The following INTS4 variants were observed in gnomAD, a reference collection of about 807,000 sequenced individuals.
INTS4 encodes MSTP093.
INTS4 carries 70 observed loss-of-function variants against 119.5 expected under a neutral mutation model. The ratio of observed to expected loss-of-function variants is 0.59; its 90% CI spans 0.48 to 0.71. The LOEUF (loss-of-function observed/expected upper bound fraction) is 0.71, where lower values mean the gene tolerates loss of function less well. Among genes scored for constraint, INTS4 ranks in the 30% least tolerant of loss-of-function variants. The pLI, the probability that INTS4 is intolerant of heterozygous loss-of-function variation, is 0.00. For synonymous variants in INTS4, 316 were observed against 419.6 expected (o/e 0.75, Z 3.02); for missense variants, 867 against 1,173.2 (o/e 0.74, Z 3.81).
At chr11:77,877,004 C>T (rs576390411), downstream of INTS4, 2 of 703,248 alleles carry the variant, frequency 2.8e-6, no homozygotes, top group South Asian at 3.0e-5. Flanking sequence ...GGTACAATTC[C>T]ACCTGGCTAC....
chr11:77,900,778 A>T, intron 18 of INTS4: 1 of 597,568 alleles, frequency 1.7e-6, no homozygotes, highest in East Asian at 2.8e-5. Context: ...AATCAATGAA[A>T]TGTGGCAATT....
At chr11:77,884,909 C>T (rs1426102695) in intron 21 of INTS4, 3 of 236,478 alleles carry the variant, frequency 1.3e-5, no homozygotes, top group Non-Finnish European at 1.8e-5. Flanking sequence ...CACGTGCCAC[C>T]ACGCCAGGTA....
chr11:77,878,014 A>G (rs1382099599), downstream of INTS4, among the ~76,000 whole-genome samples: 1 of 152,122 alleles, frequency 6.6e-6, no homozygotes, highest in East Asian at 1.9e-4. Context: ...TAGCTCTTCT[A>G]TATTATTTAT....
intron 8 of INTS4, among the ~76,000 whole-genome samples, chr11:77,948,113 T>G: frequency 6.6e-6 from 1 of 152,128 alleles, no homozygotes; most frequent in East Asian, 1.9e-4. Flanking sequence ...CCTCCCAAAG[T>G]GCTGGGATAA....
intron 10 of INTS4, among the ~76,000 whole-genome samples, chr11:77,931,328 A>T (rs1361397068): frequency 6.6e-6 from 1 of 152,254 alleles, no homozygotes; most frequent in Non-Finnish European, 1.5e-5. Context: ...CCAGTGAAAT[A>T]AGGCTCCATT....
chr11:77,878,953 C>T lies in INTS4; in HGVS notation c.2888G>A (p.Arg963His), dbSNP rs759978044. The change falls in exon 23 of 23, where the codon CGC becomes CAC. Residue 963 changes from arginine (R) to histidine (H), a missense_variant. Coordinates refer to ENST00000534064, the MANE Select transcript of INTS4 (RefSeq NM_033547.4). ...KVYIMPKPAR[R>H] Reference sequence around the variant, plus strand: ...GTTGGGAAGACTGTTTTTGCCTTAGCGCCGTGCAGGTTTGGGCATTATATA... The same window carrying T: ...GTTGGGAAGACTGTTTTTGCCTTAGTGCCGTGCAGGTTTGGGCATTATATA... The T allele has an allele frequency of 8.7e-6, 14 of 1,613,570 alleles. No individual in the cohort carries two copies. The highest frequency in any genetic ancestry group is 1.7e-4 in the Middle Eastern group (1 of 5,910).
Position 77,961,155 on chromosome 11 carries a change from AAAAAAG to A in INTS4, c.472-23_472-18del, listed in dbSNP as rs1395257004. On this transcript the variant is annotated intron_variant, in intron 4 of 22. Coordinates refer to ENST00000534064, the MANE Select transcript of INTS4 (RefSeq NM_033547.4). ...TGTCAGATGCTATTAAAAAAAAAAAAAAAAAGAAAAAAAGAAAAAGAAAAAAAGGAC... is the reference window on the plus strand; with the variant it reads ...TGTCAGATGCTATTAAAAAAAAAAAAAAAAAAAGAAAAAGAAAAAAAGGAC... The A allele has an allele frequency of 2.5e-5, 38 of 1,537,682 alleles. No homozygotes were observed. The highest frequency in any genetic ancestry group is 2.9e-5 in the Non-Finnish European group (33 of 1,151,056).
rs374056672 is a variant in INTS4 at position 77,954,055 on chromosome 11, G to A, written c.918+1887C>T. ...TCTCGATCTCTTGACCTCGTGATCCGCCCGCCTTGGCCTCCCAAAGTGCTG... is the reference window on the plus strand; with the variant it reads ...TCTCGATCTCTTGACCTCGTGATCCACCCGCCTTGGCCTCCCAAAGTGCTG... On this transcript the variant is annotated intron_variant, in intron 8 of 22. Transcript: ENST00000534064. 2.2e-4 allele frequency among the ~76,000 whole-genome samples: 33 copies of A among 152,144 alleles called. No homozygotes were observed. In the East Asian group the frequency reaches 3.5e-3, roughly 16 times the overall value.
intron 2 of INTS4, chr11:77,987,014 A>C (rs1400079154): frequency 6.6e-6 from 1 of 152,354 alleles, no homozygotes; most frequent in East Asian, 1.9e-4. Flanking sequence ...CACCACTTAA[A>C]GATATAAATC....
intron 15 of INTS4, among the ~76,000 whole-genome samples, chr11:77,910,695 A>C (rs942045888): frequency 6.6e-6 from 1 of 152,124 alleles, no homozygotes; most frequent in Non-Finnish European, 1.5e-5. Context: ...AATTAAATTA[A>C]ATTAGTCCCC....
intron 4 of INTS4, among the ~76,000 whole-genome samples, chr11:77,965,755 T>C (rs1216090068): frequency 1.3e-5 from 2 of 152,334 alleles, no homozygotes; most frequent in East Asian, 1.9e-4. Context: ...ATTCCATACA[T>C]TGGCTATTGT....
downstream of INTS4, chr11:77,876,879 T>C: frequency 1.5e-6 from 1 of 672,990 alleles, no homozygotes; most frequent in Non-Finnish European, 2.7e-6. Context: ...TATTCTTCCC[T>C]TAGAAGGTTT....
At chr11:77,965,376 A>G (rs974368220) in intron 4 of INTS4, among the ~76,000 whole-genome samples, 4 of 152,112 alleles carry the variant, frequency 2.6e-5, no homozygotes, top group Admixed American at 6.5e-5. Context: ...TTAAATATAC[A>G]TTATTGTGGA....
chr11:77,945,917 C>A (rs1337176887), intron 8 of INTS4, among the ~76,000 whole-genome samples: 2 of 152,208 alleles, frequency 1.3e-5, no homozygotes, highest in Non-Finnish European at 2.9e-5. Context: ...CCCAGCCCCA[C>A]TGCACAAAAG....
chr11:77,969,385 G>A (rs1449009425), intron 4 of INTS4, among the ~76,000 whole-genome samples: 2 of 151,644 alleles, frequency 1.3e-5, no homozygotes, highest in South Asian at 4.2e-4. Flanking sequence ...ATGTATTTAT[G>A]AATGAATGAA....
intron 15 of INTS4, chr11:77,910,958 A>C: frequency 7.9e-7 from 1 of 1,270,904 alleles, no homozygotes. Flanking sequence ...AGAAATGGAA[A>C]CTGTGGGAAA....
rs748708954 is a variant in INTS4, at chr11:77,981,592, C to T, written c.247-16G>A. 9.9e-6 allele frequency: 14 copies of T among 1,407,908 alleles called. No homozygotes were observed. The highest frequency in any genetic ancestry group is 1.4e-5 in the African/African-American group (1 of 70,556). The allele number at this position is 1,407,908 out of a possible 1,614,324, so 87.2% of individuals were successfully genotyped here. On this transcript the variant is annotated splice_polypyrimidine_tract_variant and intron_variant, in intron 2 of 22. Transcript: ENST00000534064. ...GATCATTCTCCTGGAAAAAAAGAAGCAATTGTCACTTTGATGCTTTACACT... is the reference window on the plus strand; with the variant it reads ...GATCATTCTCCTGGAAAAAAAGAAGTAATTGTCACTTTGATGCTTTACACT...
At chr11:77,902,961 C>T (rs1271072870) in intron 17 of INTS4, among the ~76,000 whole-genome samples, 1 of 152,172 alleles carries the variant, frequency 6.6e-6, no homozygotes, top group African/African-American at 2.4e-5. Context: ...GTAGAGACAG[C>T]GTTTCACCAT....
intron 12 of INTS4, among the ~76,000 whole-genome samples, chr11:77,924,187 G>A (rs1296106332): frequency 6.6e-6 from 1 of 150,452 alleles, no homozygotes; most frequent in Non-Finnish European, 1.5e-5. Flanking sequence ...CTGAGGTCAG[G>A]AGTTCAAGAC....
Sources: allele counts gnomAD v4.1 joint callset (sites outside exome capture counted in the v4.1 genomes callset), GRCh38; gene constraint gnomAD v4.1.1; transcripts MANE v1.5; gene names NCBI Gene and HGNC (gene_info 2026-07-23, HGNC 2026-07-21).